The following PTS variants were observed in gnomAD, a reference collection of about 807,000 sequenced individuals.
PTS encodes 6-pyruvoyltetrahydropterin synthase.
In PTS, 23 loss-of-function variants were observed where a neutral mutation model predicts 20.6. That is an observed-to-expected ratio of 1.12 (90% CI 0.80 to 1.58). The LOEUF is 1.58. Among genes scored for constraint, PTS ranks in the 40% most tolerant of loss-of-function variants. PTS has a pLI of 0.00. For synonymous variants in PTS, 65 were observed against 62.5 expected, an observed-to-expected ratio of 1.04 and a Z score of -0.19; for missense variants, 186 against 182.4, an observed-to-expected ratio of 1.02 and a Z score of -0.11.
chr11:112,233,379 A>T, intron 5 of PTS, 53 bp from the exon 6 acceptor site: 1 of 1,551,786 alleles, frequency 6.4e-7, no homozygotes, highest in East Asian at 2.3e-5. Flanking sequence ...TAAACATGAA[A>T]TTTTATTGTT....
Position 112,230,637 on chromosome 11 carries a change from T to C in PTS, c.198T>C (p.Ala66=). ...TGTTTATTCTTTAGATTGACCCTGCTACGGGAATGGTTATGAATCTGGCTG... is the reference window on the plus strand; with the variant it reads ...TGTTTATTCTTTAGATTGACCCTGCCACGGGAATGGTTATGAATCTGGCTG... The part of the protein sequence containing the change: ...VVTVHGEIDP[A]TGMVMNLADL... The change falls in exon 4 of 6, where the codon GCT becomes GCC. Residue 66 remains alanine, a synonymous_variant. Transcript: ENST00000280362. 1 of 1,610,650 alleles carries C rather than the reference T, an allele frequency of 6.2e-7. No individual in the cohort carries two copies. The highest frequency in any genetic ancestry group is 1.1e-5 in the South Asian group (1 of 90,996).
chr11:112,230,666 T>C lies in PTS; in HGVS notation c.227T>C (p.Leu76Pro). ...ATGMVMNLAD[L>P]KKYMEEAIMQ... ...GGAATGGTTATGAATCTGGCTGATCTCAAAAAATATATGGAGGTAATGGCA... is the reference window on the plus strand; with the variant it reads ...GGAATGGTTATGAATCTGGCTGATCCCAAAAAATATATGGAGGTAATGGCA... Residue 76 changes from leucine to proline, a missense_variant, in exon 4 of 6, where the codon CTC becomes CCC. Leu to Pro is a moderately conservative substitution (Grantham distance 98). Coordinates refer to ENST00000280362, the MANE Select transcript of PTS (RefSeq NM_000317.3). The C allele has an allele frequency of 6.2e-7, 1 of 1,610,736 alleles. No individual in the cohort carries two copies. Among genetic ancestry groups the C allele is most frequent in the Non-Finnish European group, 8.5e-7 (1 of 1,176,908 alleles).
Position 112,233,228 on chromosome 11 carries a change from G to A in PTS, c.309G>A (p.Val103=). ...TGGATGTGCCATACTTTGCAGATGT[G>A]GTGAGGTGGGTGGCACTGTATCTTG... ...LDMDVPYFAD[V]VSTTENVAVY... is the part of the protein sequence containing the mutation. The change falls in exon 5 of 6, where the codon GTG becomes GTA. Residue 103 remains valine (V), a synonymous_variant. Coordinates refer to ENST00000280362, the MANE Select transcript of PTS (RefSeq NM_000317.3). 5.0e-6 allele frequency: 8 copies of A among 1,613,546 alleles called. No homozygotes were observed. The highest frequency in any genetic ancestry group is 5.9e-6 in the Non-Finnish European group (7 of 1,179,506).
rs961615399 is a variant in PTS at position 112,226,451 on chromosome 11, C to G, written c.8C>G (p.Thr3Arg). MS[T>R]EGGGRRCQAQ... is the part of the protein sequence containing the mutation. ...GCAGACAGCGCCGGGAAGATGAGCA[C>G]GGAAGGTGGTGGCCGTCGCTGCCAG... is the stretch of plus-strand genomic sequence containing the variant. Residue 3 changes from threonine (T) to arginine (R), a missense_variant, in exon 1 of 6, where the codon ACG (threonine) becomes AGG (arginine). Physicochemically the swap from Thr to Arg is moderately conservative, Grantham distance 71. Coordinates refer to ENST00000280362, the MANE Select transcript of PTS (RefSeq NM_000317.3). 6.3e-7 allele frequency: 1 copy of G among 1,579,812 alleles called. No individual in the cohort carries two copies. Among genetic ancestry groups the G allele is most frequent in the Non-Finnish European group, 8.6e-7 (1 of 1,165,056 alleles).
At chr11:112,228,791 A>C in intron 2 of PTS, 118 bp downstream of exon 2, 2 of 920,258 alleles carry the variant, frequency 2.2e-6, no homozygotes, top group Admixed American at 4.5e-5. Flanking sequence ...TGAGCCTTGA[A>C]TGAGAAATTA....
In PTS at chr11:112,227,060, G is replaced by GAA. The variant is rs561653313; in HGVS notation, c.83+548_83+549dup. Among the ~76,000 whole-genome samples the GAA allele has an allele frequency of 4.6e-5, 6 of 130,948 alleles. No individual in the cohort carries two copies. In the East Asian group the frequency reaches 8.6e-4, roughly 19 times the overall value. 85.9% of individuals were successfully genotyped at this position (130,948 alleles called of 152,430 possible). ...GTCCCTGGTGGTCTAGTGGCTAGGA[G>GAA]AAAAAAAAAAAAAAATGAGCCCAGA... On this transcript the variant is annotated intron_variant, in intron 1 of 5. Transcript: ENST00000280362.
rs1219630755 is a variant in PTS, at chr11:112,233,252, T to C, written c.314+19T>C. ...TGGTGAGGTGGGTGGCACTGTATCT[T>C]GCCTTATGTGGATTGTAAAACAAGA... On this transcript the variant is annotated intron_variant, in intron 5 of 5. Transcript: ENST00000280362. The C allele has an allele frequency of 1.2e-6, 2 of 1,605,074 alleles. No individual in the cohort carries two copies. The highest frequency in any genetic ancestry group is 1.7e-6 in the Non-Finnish European group (2 of 1,171,862).
intron 4 of PTS, among the ~76,000 whole-genome samples, chr11:112,231,675 A>G (rs548277998): frequency 1.3e-5 from 2 of 152,286 alleles, no homozygotes; most frequent in South Asian, 2.1e-4. Flanking sequence ...ACAAAGATGA[A>G]TGAGATGTAG....
At chr11:112,227,922 A>AG (rs1339247637) in intron 1 of PTS, among the ~76,000 whole-genome samples, 2 of 152,226 alleles carry the variant, frequency 1.3e-5, no homozygotes, top group African/African-American at 4.8e-5. Flanking sequence ...TAAACACCTG[A>AG]GGGTGGTAAG....
intron 4 of PTS, among the ~76,000 whole-genome samples, chr11:112,231,802 A>G (rs1356601567): frequency 6.7e-6 from 1 of 149,792 alleles, no homozygotes; most frequent in African/African-American, 2.5e-5. Context: ...TGCTCAAAAT[A>G]CTTTAGGAAA....
chr11:112,230,419 T>C (rs1273461235), intron 3 of PTS, 189 bp downstream of exon 3: 2 of 825,176 alleles, frequency 2.4e-6, no homozygotes, highest in Non-Finnish European at 4.2e-6. Flanking sequence ...TAATATGCTG[T>C]ATGTGGACAG....
At chr11:112,233,136 G>A (rs1422916287) in intron 4 of PTS, 27 bp from the exon 5 acceptor site, 2 of 1,596,564 alleles carry the variant, frequency 1.3e-6, no homozygotes, top group Non-Finnish European at 1.7e-6. Flanking sequence ...TGGAGTCAAT[G>A]ATATTTTCCC....
Position 112,230,667 on chromosome 11 carries a change from C to A in PTS, c.228C>A (p.Leu76=), listed in dbSNP as rs772713545. ...ATGMVMNLAD[L]KKYMEEAIMQ... is the part of the protein sequence containing the mutation. ...GAATGGTTATGAATCTGGCTGATCTCAAAAAATATATGGAGGTAATGGCAT... is the reference window on the plus strand; with the variant it reads ...GAATGGTTATGAATCTGGCTGATCTAAAAAAATATATGGAGGTAATGGCAT... The change falls in exon 4 of 6, where the codon CTC becomes CTA. Residue 76 remains leucine, a synonymous_variant. Coordinates refer to ENST00000280362, the MANE Select transcript of PTS (RefSeq NM_000317.3). The A allele has an allele frequency of 1.2e-6, 2 of 1,610,644 alleles. No homozygotes were observed. The highest frequency in any genetic ancestry group is 8.5e-7 in the Non-Finnish European group (1 of 1,176,892).
rs750229518 is a variant in PTS at position 112,228,656 on chromosome 11, A to G, written c.146A>G (p.His49Arg). The G allele has an allele frequency of 5.0e-6, 8 of 1,612,374 alleles. No homozygotes were observed. The highest frequency in any genetic ancestry group is 4.4e-5 in the South Asian group (4 of 91,032). The change falls in exon 2 of 6, where the codon CAT (histidine) becomes CGT (arginine). Residue 49 changes from histidine to arginine, a missense_variant. Physicochemically the swap from His to Arg is conservative, Grantham distance 29 (BLOSUM62 0). Transcript: ENST00000280362. ...LFGKCNNPNG[H>R]GHNYKVVVTV... Reference sequence around the variant, plus strand: ...GGGAAATGCAACAATCCAAATGGCCATGGGCACAATTATAAAGGTGAGAGA... The same window carrying G: ...GGGAAATGCAACAATCCAAATGGCCGTGGGCACAATTATAAAGGTGAGAGA...
chr11:112,227,529 AG>A (rs2135407731), intron 1 of PTS, among the ~76,000 whole-genome samples: 1 of 152,276 alleles, frequency 6.6e-6, no homozygotes, highest in South Asian at 2.1e-4. Context: ...TTGGTTCTGC[AG>A]GCTGTACAAG....
Position 112,226,466 on chromosome 11 carries a change from G to T in PTS, c.23G>T (p.Arg8Leu). 6.3e-7 allele frequency: 1 copy of T among 1,580,902 alleles called. No homozygotes were observed. Among genetic ancestry groups the T allele is most frequent in the East Asian group, 2.3e-5 (1 of 43,762 alleles). The change falls in exon 1 of 6, where the codon CGT becomes CTT. Residue 8 changes from arginine (R) to leucine (L), a missense_variant. By Grantham distance (102) the Arg-to-Leu change is moderately radical (BLOSUM62 -2). Transcript: ENST00000280362. ...AAGATGAGCACGGAAGGTGGTGGCC[G>T]TCGCTGCCAGGCACAAGTGTCCCGC... MSTEGGG[R>L]RCQAQVSRRI...
Position 112,233,499 on chromosome 11 carries a change from T to A in PTS, c.382T>A (p.Tyr128Asn). 8 of 1,613,726 alleles carry A rather than the reference T, an allele frequency of 5.0e-6. No homozygotes were observed. Among genetic ancestry groups the A allele is most frequent in the Non-Finnish European group, 6.8e-6 (8 of 1,179,804 alleles). Residue 128 changes from tyrosine (Y) to asparagine (N), a missense_variant, in exon 6 of 6, where the codon TAT becomes AAT. By Grantham distance (143) the Tyr-to-Asn change is moderately radical. Coordinates refer to ENST00000280362, the MANE Select transcript of PTS (RefSeq NM_000317.3). ...GAAAGTTCTTCCTGTAGGAGTTCTT[T>A]ATAAAGTAAAAGTATACGAAACTGA... ...LQKVLPVGVL[Y>N]KVKVYETDNN...
In PTS at chr11:112,230,417, T is replaced by C. The variant is rs966324170; in HGVS notation, c.186+187T>C. 13 of 831,682 alleles carry C rather than the reference T, an allele frequency of 1.6e-5. No individual in the cohort carries two copies. In the African/African-American group the frequency reaches 2.2e-4, roughly 14 times the overall value. 51.5% of individuals were successfully genotyped at this position (831,682 alleles called of 1,614,324 possible). ...TACCAAAGTGTTGTCTTTAATATGC[T>C]GTATGTGGACAGGTAGAAGGGCTAT... On this transcript the variant is annotated intron_variant, in intron 3 of 5. Transcript: ENST00000280362.
At position 112,233,243 on chromosome 11, in the gene PTS, A is replaced by C. The variant is rs2135410346; in HGVS notation, c.314+10A>C. The stretch of plus-strand genomic sequence containing the variant: ...TTGCAGATGTGGTGAGGTGGGTGGC[A>C]CTGTATCTTGCCTTATGTGGATTGT... On this transcript the variant is annotated intron_variant, in intron 5 of 5. Transcript: ENST00000280362. The C allele has an allele frequency of 6.2e-7, 1 of 1,611,080 alleles. No individual in the cohort carries two copies. The highest frequency in any genetic ancestry group is 8.5e-7 in the Non-Finnish European group (1 of 1,177,212).
Sources: gnomAD v4.1 joint callset for allele counts (sites outside exome capture counted in the v4.1 genomes callset) on GRCh38, gnomAD v4.1.1 for gene constraint, MANE v1.5 for transcripts, NCBI Gene and HGNC (gene_info 2026-07-23, HGNC 2026-07-21) for gene names.